The following CTNNA2 variants were observed in gnomAD, a reference collection of about 807,000 sequenced individuals.
CTNNA2 encodes catenin alpha-2.
CTNNA2 carries 42 observed loss-of-function variants against 101.0 expected under a neutral mutation model. The ratio of observed to expected loss-of-function variants is 0.42; its 90% CI spans 0.32 to 0.54. The LOEUF (loss-of-function observed/expected upper bound fraction) is 0.54. Among genes scored for constraint, CTNNA2 ranks in the 20% least tolerant of loss-of-function variants. CTNNA2 has a pLI of 0.14. For synonymous variants in CTNNA2, 450 were observed against 456.4 expected, an observed-to-expected ratio of 0.99 and a Z score of 0.18; for missense variants, 871 against 1,223.1, an observed-to-expected ratio of 0.71 and a Z score of 4.29.
chr2:80,445,045 G>T (rs960930467), intron 9 of CTNNA2, among the ~76,000 whole-genome samples: 1 of 152,248 alleles, frequency 6.6e-6, no homozygotes, highest in African/African-American at 2.4e-5. Context: ...TTCACAATTT[G>T]AGAAGATCAC....
intron 7 of CTNNA2, among the ~76,000 whole-genome samples, chr2:79,984,868 G>A (rs994577168): frequency 6.6e-6 from 1 of 152,128 alleles, no homozygotes. Context: ...AATCCTAGGA[G>A]GTTTCCCATC....
At chr2:79,701,443 G>C (rs1200164766) in intron 2 of CTNNA2, among the ~76,000 whole-genome samples, 3 of 152,084 alleles carry the variant, frequency 2.0e-5, no homozygotes, top group African/African-American at 7.2e-5. Flanking sequence ...TCACTGTAAT[G>C]TTCTTCAGAT....
intron 12 of CTNNA2, 84 bp downstream of exon 12, chr2:80,555,977 G>C: frequency 1.0e-6 from 1 of 985,172 alleles, no homozygotes; most frequent in Non-Finnish European, 1.4e-6. Flanking sequence ...ATTGATTTCT[G>C]TAGGCCTTTA....
intron 9 of CTNNA2, 125 bp from the exon 10 acceptor site, chr2:80,544,857 C>T: frequency 1.3e-6 from 1 of 745,288 alleles, no homozygotes; most frequent in Non-Finnish European, 2.1e-6. Flanking sequence ...GGCCAGGGTA[C>T]CCTTATCTTA....
At chr2:79,668,246 C>CAAAAAAA (rs34348942) in intron 2 of CTNNA2, among the ~76,000 whole-genome samples, 2 of 69,308 alleles carry the variant, frequency 2.9e-5, no homozygotes, top group Non-Finnish European at 5.7e-5. Flanking sequence ...GACTCCGTCT[C>CAAAAAAA]AAAAAAAAAA....
At chr2:80,494,989 T>G (rs1399295080) in intron 9 of CTNNA2, among the ~76,000 whole-genome samples, 1 of 152,174 alleles carries the variant, frequency 6.6e-6, no homozygotes, top group African/African-American at 2.4e-5. Flanking sequence ...CAAAGAAATA[T>G]TGTTCTCAAT....
At chr2:80,270,625 A>G (rs1444092436) in intron 7 of CTNNA2, among the ~76,000 whole-genome samples, 1 of 152,190 alleles carries the variant, frequency 6.6e-6, no homozygotes, top group Non-Finnish European at 1.5e-5. Context: ...TCTTCAAATC[A>G]CTGTTTCTGA....
At chr2:80,001,600 G>T (rs988084279) in intron 7 of CTNNA2, among the ~76,000 whole-genome samples, 2 of 152,124 alleles carry the variant, frequency 1.3e-5, no homozygotes, top group African/African-American at 4.8e-5. Context: ...AAGAATAAAG[G>T]CCAGGAATGT....
intron 2 of CTNNA2, among the ~76,000 whole-genome samples, chr2:79,731,589 C>T (rs1291030918): frequency 3.3e-5 from 5 of 151,884 alleles, no homozygotes; most frequent in Non-Finnish European, 7.4e-5. Flanking sequence ...CATTTTCATC[C>T]AAAAGAAAAG....
chr2:79,622,010 T>A (rs769779031), intron 1 of CTNNA2, among the ~76,000 whole-genome samples: 1 of 152,176 alleles, frequency 6.6e-6, no homozygotes, highest in Non-Finnish European at 1.5e-5. Context: ...TGAGGAGACA[T>A]GAAGACTAAA....
intron 7 of CTNNA2, among the ~76,000 whole-genome samples, chr2:80,199,838 C>T (rs978401945): frequency 3.3e-5 from 5 of 152,200 alleles, no homozygotes; most frequent in Non-Finnish European, 7.3e-5. Context: ...GGGCTATTAG[C>T]TCCTGACCTA....
At chr2:80,246,833 C>T (rs1671365077) in intron 7 of CTNNA2, among the ~76,000 whole-genome samples, 1 of 152,222 alleles carries the variant, frequency 6.6e-6, no homozygotes, top group Non-Finnish European at 1.5e-5. Flanking sequence ...AGGCCACTTA[C>T]ATTAACTGGT....
chr2:80,095,532 A>C lies in CTNNA2; in HGVS notation c.1056+185735A>C, dbSNP rs535132746. On this transcript the variant is annotated intron_variant, in intron 7 of 18. Coordinates refer to ENST00000402739, the MANE Select transcript of CTNNA2 (RefSeq NM_001282597.3). The stretch of plus-strand genomic sequence containing the variant: ...GCTGGCCTCATCAAATGAGTTAGGG[A>C]GGATTCCCTCTTTTTCTATTGATTG... Among the ~76,000 whole-genome samples the C allele has an allele frequency of 2.1e-3, 323 of 152,292 alleles. 3 individuals are homozygous for C. The highest frequency in any genetic ancestry group is 0.014 in the Middle Eastern group (4 of 294).
intron 17 of CTNNA2, among the ~76,000 whole-genome samples, chr2:80,609,091 T>C (rs771755610): frequency 7.2e-5 from 11 of 151,784 alleles, no homozygotes; most frequent in Non-Finnish European, 1.5e-4. Flanking sequence ...TTGCAAATTA[T>C]TTGCAAGTCC....
At chr2:80,313,233 T>C in intron 7 of CTNNA2, 1 of 335,248 alleles carries the variant, frequency 3.0e-6, no homozygotes, top group Non-Finnish European at 4.7e-6. Flanking sequence ...CCTAGTTAGA[T>C]GCATTTATCT....
chr2:79,425,883 AG>A (rs1678587880), intron 4 of CTNNA2, among the ~76,000 whole-genome samples: 1 of 152,192 alleles, frequency 6.6e-6, no homozygotes, highest in South Asian at 2.1e-4. Flanking sequence ...ATATGTTTAT[AG>A]CTTCTAATCA....
chr2:79,706,510 A>G (rs760434670), intron 2 of CTNNA2, among the ~76,000 whole-genome samples: 1 of 151,854 alleles, frequency 6.6e-6, no homozygotes, highest in African/African-American at 2.4e-5. Context: ...TTGACGTTTC[A>G]CTCTCGGAAA....
chr2:79,997,478 T>A (rs186253240), intron 7 of CTNNA2, among the ~76,000 whole-genome samples: 1 of 151,840 alleles, frequency 6.6e-6, no homozygotes, highest in Admixed American at 6.6e-5. Context: ...CCTGCAGGAT[T>A]TTTCTGTTTC....
intron 9 of CTNNA2, among the ~76,000 whole-genome samples, chr2:80,536,367 T>A (rs1436810423): frequency 6.6e-6 from 1 of 152,152 alleles, no homozygotes; most frequent in African/African-American, 2.4e-5. Context: ...TTAAATAAAT[T>A]CATTTTATTC....
Sources: allele counts gnomAD v4.1 joint callset (sites outside exome capture counted in the v4.1 genomes callset), GRCh38; gene constraint gnomAD v4.1.1; transcripts MANE v1.5; gene names NCBI Gene and HGNC (gene_info 2026-07-23, HGNC 2026-07-21).